The following CCDC171 variants were observed in gnomAD, a reference collection of about 807,000 sequenced individuals.
CCDC171 encodes coiled-coil domain-containing protein 171.
CCDC171 carries 177 observed loss-of-function variants against 168.2 expected under a neutral mutation model. The ratio of observed to expected loss-of-function variants is 1.05; its 90% CI spans 0.93 to 1.19. The LOEUF is 1.19. Ranked by LOEUF, CCDC171 falls within the 50% of genes most tolerant of loss-of-function variation. The pLI, the probability that CCDC171 is intolerant of heterozygous loss-of-function variation, is 0.00. For synonymous variants in CCDC171, 687 were observed against 540.8 expected (o/e 1.27, Z -3.75); for missense variants, 1,991 against 1,539.0 (o/e 1.29, Z -4.91).
intron 25 of CCDC171, among the ~76,000 whole-genome samples, chr9:15,943,312 A>C (rs1220569568): frequency 6.6e-6 from 1 of 152,020 alleles, no homozygotes; most frequent in Non-Finnish European, 1.5e-5. Flanking sequence ...CCAGAAAAAA[A>C]CACTTATTTA....
intron 25 of CCDC171, among the ~76,000 whole-genome samples, chr9:15,968,790 C>G (rs942017933): frequency 6.6e-6 from 1 of 152,140 alleles, no homozygotes; most frequent in Non-Finnish European, 1.5e-5. Flanking sequence ...CCACCCACCT[C>G]GGCCTCCCAA....
At chr9:15,706,351 G>A (rs2052234984) in intron 11 of CCDC171, among the ~76,000 whole-genome samples, 1 of 151,836 alleles carries the variant, frequency 6.6e-6, no homozygotes, top group African/African-American at 2.4e-5. Flanking sequence ...GTGCAGTGGT[G>A]CAGTCATGGC....
intron 1 of CCDC171, among the ~76,000 whole-genome samples, chr9:15,556,768 G>T (rs2038836173): frequency 6.6e-6 from 1 of 151,780 alleles, no homozygotes; most frequent in African/African-American, 2.4e-5. Flanking sequence ...GTCAATTTTG[G>T]CTTTTGTTGC....
At chr9:15,673,275 T>C (rs898178795) in intron 9 of CCDC171, among the ~76,000 whole-genome samples, 2 of 152,240 alleles carry the variant, frequency 1.3e-5, no homozygotes, top group Non-Finnish European at 2.9e-5. Context: ...GTTTTCTAAA[T>C]ATACAATCAT....
chr9:15,963,337 A>T (rs1425390021), intron 25 of CCDC171, among the ~76,000 whole-genome samples: 1 of 152,198 alleles, frequency 6.6e-6, no homozygotes, highest in Non-Finnish European at 1.5e-5. Context: ...GTGTGAAAAA[A>T]AATCACTCTT....
rs932052593 is a variant in CCDC171, at chr9:15,701,002, T to C, written c.1318+5665T>C. Among the ~76,000 whole-genome samples, 6 of 152,332 alleles carry C rather than the reference T, an allele frequency of 3.9e-5. No homozygotes were observed. The East Asian group carries it at 9.7e-4, about 25-fold the overall frequency. On this transcript the variant is annotated intron_variant, in intron 11 of 25. Coordinates refer to ENST00000380701, the MANE Select transcript of CCDC171 (RefSeq NM_173550.4). ...TTCCCTAATTTATGATTTGAGCATT[T>C]TAAAATATACTCATTGGCCATTAGT...
At chr9:15,952,547 A>G (rs1829318247) in intron 25 of CCDC171, among the ~76,000 whole-genome samples, 1 of 151,908 alleles carries the variant, frequency 6.6e-6, no homozygotes, top group Admixed American at 6.6e-5. Flanking sequence ...ACAGGCATGC[A>G]CCACCAAGCC....
At chr9:15,666,987 A>C (rs2133174794) in intron 9 of CCDC171, among the ~76,000 whole-genome samples, 1 of 152,338 alleles carries the variant, frequency 6.6e-6, no homozygotes, top group East Asian at 1.9e-4. Context: ...GTATTTTAAA[A>C]AATCTCTTTT....
intron 23 of CCDC171, among the ~76,000 whole-genome samples, chr9:15,868,544 G>A (rs1214301711): frequency 6.6e-6 from 1 of 151,492 alleles, no homozygotes; most frequent in Non-Finnish European, 1.5e-5. Flanking sequence ...GATGCCCACA[G>A]GTGCAAGGAA....
chr9:15,642,622 A>G (rs898074807), intron 7 of CCDC171, among the ~76,000 whole-genome samples: 1 of 152,062 alleles, frequency 6.6e-6, no homozygotes, highest in Non-Finnish European at 1.5e-5. Context: ...CATTATGTCT[A>G]TCAACAAACC....
At chr9:15,753,474 G>A (rs1176470829) in intron 18 of CCDC171, among the ~76,000 whole-genome samples, 1 of 152,126 alleles carries the variant, frequency 6.6e-6, no homozygotes, top group Non-Finnish European at 1.5e-5. Context: ...TCATTGGCAT[G>A]GGGTCAAATT....
intron 3 of CCDC171, among the ~76,000 whole-genome samples, chr9:16,013,130 A>G (rs1324780908): frequency 6.6e-6 from 1 of 152,134 alleles, no homozygotes; most frequent in Non-Finnish European, 1.5e-5. Context: ...CCTACATCTG[A>G]TAGCTATACT....
chr9:15,903,636 G>A (rs1191665773), intron 24 of CCDC171, among the ~76,000 whole-genome samples: 1 of 152,156 alleles, frequency 6.6e-6, no homozygotes, highest in Non-Finnish European at 1.5e-5. Flanking sequence ...TCCTCCAAAG[G>A]AACTCGGCTC....
At chr9:15,699,265 C>T (rs545750315) in intron 11 of CCDC171, among the ~76,000 whole-genome samples, 26 of 151,970 alleles carry the variant, frequency 1.7e-4, no homozygotes, top group East Asian at 5.8e-4. Context: ...TCGTTCCTCC[C>T]GGTGGGCTCG....
intron 25 of CCDC171, among the ~76,000 whole-genome samples, chr9:15,946,405 G>A (rs1204030248): frequency 1.3e-5 from 2 of 151,922 alleles, no homozygotes; most frequent in African/African-American, 4.8e-5. Flanking sequence ...AATCATGAGT[G>A]AACTCCCATT....
At chr9:15,739,982 C>T (rs2054750881) in intron 16 of CCDC171, among the ~76,000 whole-genome samples, 1 of 152,148 alleles carries the variant, frequency 6.6e-6, no homozygotes, top group African/African-American at 2.4e-5. Flanking sequence ...TGTGATCCAC[C>T]TGCCTTGGCC....
rs565076102 is a variant in CCDC171 at position 15,556,105 on chromosome 9, C to CA, written c.-112+2803_-112+2804insA. 3.4e-4 allele frequency among the ~76,000 whole-genome samples: 51 copies of CA among 152,154 alleles called. 1 individual carries two copies. In the East Asian group the frequency reaches 8.7e-3, roughly 26 times the overall value. On this transcript the variant is annotated intron_variant, in intron 1 of 25. Coordinates refer to ENST00000380701, the MANE Select transcript of CCDC171 (RefSeq NM_173550.4). ...TCATTGATGGACATTTGGGTTGGTT[C>CA]CAAGTGTTTGCTATGGTGAATGGTG...
At chr9:15,952,717 A>G (rs564050457) in intron 25 of CCDC171, among the ~76,000 whole-genome samples, 1 of 152,240 alleles carries the variant, frequency 6.6e-6, no homozygotes, top group Non-Finnish European at 1.5e-5. Context: ...ATTTCTGCAA[A>G]GAATTTCATT....
chr9:15,805,447 T>C lies in CCDC171; in HGVS notation c.3267+20753T>C, dbSNP rs190623416. Among the ~76,000 whole-genome samples, 249 of 152,308 alleles carry C rather than the reference T, an allele frequency of 1.6e-3. 1 individual carries two copies. Among genetic ancestry groups the C allele is most frequent in the Middle Eastern group, 6.8e-3 (2 of 294 alleles). ...CAGAGATTTTGGTACATTTTATCTTTGTTCTCATTAGTTTCAAAGAACTTC... is the reference window on the plus strand; with the variant it reads ...CAGAGATTTTGGTACATTTTATCTTCGTTCTCATTAGTTTCAAAGAACTTC... On this transcript the variant is annotated intron_variant, in intron 21 of 25. Coordinates refer to ENST00000380701, the MANE Select transcript of CCDC171 (RefSeq NM_173550.4).
Sources: allele counts gnomAD v4.1 joint callset (sites outside exome capture counted in the v4.1 genomes callset), GRCh38; gene constraint gnomAD v4.1.1; transcripts MANE v1.5; gene names NCBI Gene and HGNC (gene_info 2026-07-23, HGNC 2026-07-21).